COL6A3: variants seen among roughly 807,000 people sequenced by gnomAD.
The protein encoded by COL6A3 is collagen type VI alpha 3 chain.
A neutral mutation model predicts 274.1 loss-of-function variants in COL6A3; 137 were observed. The observed-to-expected ratio is 0.50, with a 90% CI of 0.44 to 0.58. COL6A3 has a LOEUF of 0.58. Ranked by LOEUF, COL6A3 falls within the 20% of genes least tolerant of loss-of-function variation. The pLI is 0.00. For synonymous variants in COL6A3, 1,650 were observed against 1,650.6 expected, an observed-to-expected ratio of 1.00 and a Z score of 0.01; for missense variants, 3,950 against 4,124.9, an observed-to-expected ratio of 0.96 and a Z score of 1.16.
Position 237,351,283 on chromosome 2 carries a change from C to T in COL6A3, c.6754-91G>A, listed in dbSNP as rs909744477. Reference sequence around the variant, plus strand: ...ACCTGACTCTCCCCTGCATGGAAGTCAGAGCCCGCCAGGGGCATGGAACCT... The same window carrying T: ...ACCTGACTCTCCCCTGCATGGAAGTTAGAGCCCGCCAGGGGCATGGAACCT... On this transcript the variant is annotated intron_variant, in intron 26 of 43. Coordinates refer to ENST00000295550, the MANE Select transcript of COL6A3 (RefSeq NM_004369.4). 3.3e-6 allele frequency: 4 copies of T among 1,223,344 alleles called. No homozygotes were observed. The African/African-American group carries it at 5.9e-5, about 18-fold the overall frequency. 75.8% of individuals were successfully genotyped at this position (1,223,344 alleles called of 1,614,324 possible).
chr2:237,361,790 C>T lies in COL6A3; in HGVS notation c.6105G>A (p.Lys2035=), dbSNP rs35556524. ...AEKACCGVPC[K]CSGQRGDRGP... ...CGCGGTCTCCCCTCTGCCCAGAGCA[C>T]TTGCAGGGAACCCCACAGCAAGCTT... Residue 2035 remains lysine, a synonymous_variant, in exon 15 of 44, where the codon AAG becomes AAA. Coordinates refer to ENST00000295550, the MANE Select transcript of COL6A3 (RefSeq NM_004369.4). The surrounding 1 kb of genome is among the most constrained non-coding windows in gnomAD (Gnocchi z 5.1). 1,646 of 1,614,224 alleles carry T rather than the reference C, an allele frequency of 1.0e-3. 29 individuals carry two copies. The African/African-American group carries it at 0.018, about 18-fold the overall frequency.
rs2270668 is a variant in COL6A3, at chr2:237,334,838, T to C, written c.9017A>G (p.Lys3006Arg). 828 of 1,614,182 alleles carry C rather than the reference T, an allele frequency of 5.1e-4. 9 individuals carry two copies. In the East Asian group the frequency reaches 0.017, roughly 33 times the overall value. The change falls in exon 41 of 44, where the codon AAA becomes AGA. Residue 3006 changes from lysine to arginine, a missense_variant. Lys to Arg is a conservative substitution (Grantham distance 26). This residue lies in a region of COL6A3 where 1,284 missense variants were observed against 1,349.7 expected (regional missense o/e 0.95). Coordinates refer to ENST00000295550, the MANE Select transcript of COL6A3 (RefSeq NM_004369.4). ...GGGCTCAGCCCTCTCCCAGTGGAGT[T>C]TGGCGCTGTTCTCTGTTATCTCAAA... ...QVFEITENSAKLHWERAEPPG... is the reference protein window; with the variant it reads ...QVFEITENSARLHWERAEPPG...
chr2:237,372,414 G>T, intron 8 of COL6A3, 77 bp from the exon 9 acceptor site: 4 of 1,599,134 alleles, frequency 2.5e-6, no homozygotes, highest in Non-Finnish European at 3.4e-6. Flanking sequence ...CGCCCAGTTT[G>T]TCATGGATTC....
chr2:237,396,363 T>C (rs1369722547), intron 2 of COL6A3, among the ~76,000 whole-genome samples: 1 of 152,198 alleles, frequency 6.6e-6, no homozygotes, highest in African/African-American at 2.4e-5. Context: ...TCTCAATCAT[T>C]GACTTCTCCC....
chr2:237,364,916 T>C lies in COL6A3; in HGVS notation c.5839-488A>G, dbSNP rs1408321586. Among the ~76,000 whole-genome samples, 1 of 151,096 alleles carries C rather than the reference T, an allele frequency of 6.6e-6. No individual in the cohort carries two copies. The highest frequency in any genetic ancestry group is 1.5e-5 in the Non-Finnish European group (1 of 67,816). On this transcript the variant is annotated intron_variant, in intron 12 of 43. Transcript: ENST00000295550. This position sits in a 1 kb window ranked among gnomAD's most constrained non-coding sequence, Gnocchi z 4.6. ...GCGTGCATGTGTGTGGGTGCATGTC[T>C]GTGGGTGTGTGTGCGTGTGTGCATG... is the stretch of plus-strand genomic sequence containing the variant.
At position 237,336,197 on chromosome 2, in the gene COL6A3, T is replaced by G. The variant is rs758363294; in HGVS notation, c.8903A>C (p.Glu2968Ala). 8.7e-6 allele frequency: 14 copies of G among 1,613,890 alleles called. No individual in the cohort carries two copies. The Admixed American group carries it at 1.7e-4, about 19-fold the overall frequency. ...AAAKPVATKPEVPRPQAAKPA... is the reference protein window; with the variant it reads ...AAAKPVATKPAVPRPQAAKPA... ...TTTGGCTGCCTGTGGCCTAGGGACC[T>G]CAGGCTTGGTCGCCACTGGTTTTGC... The change falls in exon 40 of 44, where the codon GAG becomes GCG. Residue 2968 changes from glutamate (E) to alanine (A), a missense_variant. By Grantham distance (107) the Glu-to-Ala change is moderately radical. Transcript: ENST00000295550.
intron 24 of COL6A3, among the ~76,000 whole-genome samples, chr2:237,354,650 T>C (rs923453052): frequency 4.6e-5 from 7 of 152,168 alleles, no homozygotes; most frequent in African/African-American, 1.7e-4. Flanking sequence ...ACATATTGAT[T>C]GATGTCTCAT....
intron 17 of COL6A3, among the ~76,000 whole-genome samples, chr2:237,359,818 G>A (rs548492125): frequency 2.4e-4 from 36 of 152,228 alleles, no homozygotes; most frequent in African/African-American, 7.9e-4. Flanking sequence ...CCTACCCTCC[G>A]CCCTGGCCCA....
At chr2:237,405,255 T>C (rs1448013991) in intron 1 of COL6A3, among the ~76,000 whole-genome samples, 1 of 152,192 alleles carries the variant, frequency 6.6e-6, no homozygotes, top group Non-Finnish European at 1.5e-5. Context: ...GCAGGTCTTG[T>C]GGCTCGTGGG....
intron 1 of COL6A3, among the ~76,000 whole-genome samples, 163 bp from the exon 2 acceptor site, chr2:237,397,010 A>ACATAGAT (rs2078459310): frequency 7.7e-6 from 1 of 130,246 alleles, no homozygotes; most frequent in African/African-American, 2.9e-5. Context: ...ATAGACAGTT[A>ACATAGAT]GATAGATGAT....
chr2:237,358,081 C>T (rs2077357171), intron 21 of COL6A3, among the ~76,000 whole-genome samples, 199 bp from the exon 22 acceptor site: 1 of 152,202 alleles, frequency 6.6e-6, no homozygotes, highest in South Asian at 2.1e-4. Context: ...CACTCTTAGC[C>T]CCAAACAGGT....
At chr2:237,393,174 T>G (rs1289057443) in intron 3 of COL6A3, among the ~76,000 whole-genome samples, 1 of 152,190 alleles carries the variant, frequency 6.6e-6, no homozygotes, top group Non-Finnish European at 1.5e-5. Context: ...TCTTTGCAAG[T>G]TCCAGTTCTG....
Position 237,363,345 on chromosome 2 carries a change from G to A in COL6A3, c.5971C>T (p.Leu1991=). Residue 1991 remains leucine (L), a synonymous_variant, in exon 14 of 44, where the codon CTA becomes TTA. Coordinates refer to ENST00000295550, the MANE Select transcript of COL6A3 (RefSeq NM_004369.4). ...CCTCGCCCAAACTCCAGATGCATTA[G>A]CCGCTCCAAGTTGACCACTCGTTCA... ...GLERVVNLER[L]MHLEFGRGFM... is the part of the protein sequence containing the mutation. 1 of 1,614,104 alleles carries A rather than the reference G, an allele frequency of 6.2e-7. No individual in the cohort carries two copies. Among genetic ancestry groups the A allele is most frequent in the Non-Finnish European group, 8.5e-7 (1 of 1,180,036 alleles).
intron 27 of COL6A3, among the ~76,000 whole-genome samples, chr2:237,350,439 G>A (rs1164064477): frequency 4.6e-5 from 7 of 152,226 alleles, no homozygotes; most frequent in African/African-American, 1.4e-4. Context: ...ACGGGCTGAT[G>A]AGAAGAGAGA....
At chr2:237,358,448 C>A in intron 21 of COL6A3, 73 bp downstream of exon 21, 1 of 1,208,370 alleles carries the variant, frequency 8.3e-7, no homozygotes, top group Non-Finnish European at 1.2e-6. Flanking sequence ...TAGAATTCTT[C>A]CTTTCATCCC....
intron 4 of COL6A3, among the ~76,000 whole-genome samples, chr2:237,385,912 G>A (rs896973051): frequency 6.6e-6 from 1 of 152,172 alleles, no homozygotes; most frequent in Non-Finnish European, 1.5e-5. Context: ...TCAAGTGAGA[G>A]GAAAAGCTGG....
At chr2:237,341,222 G>A in intron 37 of COL6A3, 72 bp from the exon 38 acceptor site, 1 of 1,402,690 alleles carries the variant, frequency 7.1e-7, no homozygotes, top group Non-Finnish European at 1.0e-6. Flanking sequence ...CAATCTGCTG[G>A]GAGACTTGGG....
At position 237,381,394 on chromosome 2, in the gene COL6A3, T is replaced by C; in HGVS notation, c.1418A>G (p.Gln473Arg). The C allele has an allele frequency of 6.2e-7, 1 of 1,614,080 alleles. No homozygotes were observed. Among genetic ancestry groups the C allele is most frequent in the South Asian group, 1.1e-5 (1 of 91,084 alleles). Reference protein sequence around the residue: ...AIRDFIAKVIQRLEIGQDLIQ... With the variant: ...AIRDFIAKVIRRLEIGQDLIQ... ...AAGATCCTGTCCGATTTCCAGCCTC[T>C]GGATGACTTTAGCAATGAAGTCTCG... Residue 473 changes from glutamine (Q) to arginine (R), a missense_variant, in exon 5 of 44, where the codon CAG becomes CGG. Around this residue, in one of 5 missense-constraint regions of COL6A3, gnomAD observed 1,934 missense variants for 1,984.3 expected, o/e 0.97. Transcript: ENST00000295550.
rs2077147769 is a variant in COL6A3, at chr2:237,348,786, G to A, written c.6880-123C>T. On this transcript the variant is annotated intron_variant, in intron 28 of 43. Transcript: ENST00000295550. ...AGCTCCTGAAATGTTTGCAGACTAA[G>A]GTACAGGAGTAGGCACACTTCCTGC... 5 of 822,988 alleles carry A rather than the reference G, an allele frequency of 6.1e-6. 1 individual carries two copies. In the South Asian group the frequency reaches 7.1e-5, roughly 12 times the overall value. The allele number at this position is 822,988 out of a possible 1,614,324, so 51.0% of individuals were successfully genotyped here. A position where few individuals can be genotyped will look rare whatever the true frequency, so the allele number is the denominator to read the frequency against.
Sources: allele counts gnomAD v4.1 joint callset (sites outside exome capture counted in the v4.1 genomes callset), GRCh38; gene constraint gnomAD v4.1.1; regional missense constraint gnomAD v4.1.1; non-coding constraint Gnocchi (gnomAD v3.1); transcripts MANE v1.5; gene names NCBI Gene and HGNC (gene_info 2026-07-23, HGNC 2026-07-21).